ANK1: variants seen among roughly 807,000 people sequenced by gnomAD.
ANK1 encodes the protein ankyrin-1.
A neutral mutation model predicts 210.4 loss-of-function variants in ANK1; 51 were observed. That is an observed-to-expected ratio of 0.24 (90% confidence interval 0.19 to 0.31). The LOEUF (loss-of-function observed/expected upper bound fraction) is 0.31, where lower values mean the gene tolerates loss of function less well. ANK1 is among the 10% of genes least tolerant of loss of function. The pLI is 1.00. For missense variants in ANK1, 2,051 were observed against 2,504.4 expected, an observed-to-expected ratio of 0.82 and a Z score of 3.86; for synonymous variants, 967 against 1,025.9, an observed-to-expected ratio of 0.94 and a Z score of 1.10.
intron 24 of ANK1, among the ~76,000 whole-genome samples, chr8:41,697,433 C>T (rs1247632127): frequency 1.3e-5 from 2 of 152,128 alleles, no homozygotes; most frequent in Admixed American, 6.5e-5. Context: ...GTCCATCGCC[C>T]TTGTTGATCT....
chr8:41,682,014 G>A (rs941951594), intron 37 of ANK1, among the ~76,000 whole-genome samples: 16 of 152,256 alleles, frequency 1.1e-4, no homozygotes, highest in Admixed American at 1.0e-3. Context: ...TCAACTACTC[G>A]GGAGAGGGCT....
intron 1 of ANK1, among the ~76,000 whole-genome samples, chr8:41,778,247 C>T (rs1267204809): frequency 6.6e-6 from 1 of 152,106 alleles, no homozygotes; most frequent in African/African-American, 2.4e-5. Flanking sequence ...AAAAATAGGA[C>T]AATAAAAGGG....
intron 1 of ANK1, among the ~76,000 whole-genome samples, chr8:41,894,270 T>C (rs1820008933): frequency 6.6e-6 from 1 of 152,082 alleles, no homozygotes. Context: ...CATAAAATAA[T>C]GAAAATCTGA....
At chr8:41,832,020 G>A (rs946261228) in intron 1 of ANK1, among the ~76,000 whole-genome samples, 1 of 152,162 alleles carries the variant, frequency 6.6e-6, no homozygotes, top group African/African-American at 2.4e-5. Flanking sequence ...GGAAAAGCGG[G>A]GAGGATTTGC....
Position 41,821,378 on chromosome 8 carries a change from A to G in ANK1, c.127-63241T>C, listed in dbSNP as rs568845439. On this transcript the variant is annotated intron_variant, in intron 1 of 42. Coordinates refer to the ANK1 transcript ENST00000265709. Reference sequence around the variant, plus strand: ...CACTTAGGGAGTACTTTGTTGTACTATAGTTATCTGTGTACGTGGTCATCT... The same window carrying G: ...CACTTAGGGAGTACTTTGTTGTACTGTAGTTATCTGTGTACGTGGTCATCT... 1.4e-4 allele frequency among the ~76,000 whole-genome samples: 22 copies of G among 152,270 alleles called. No individual in the cohort carries two copies. The East Asian group carries it at 4.2e-3, about 29-fold the overall frequency.
intron 1 of ANK1, among the ~76,000 whole-genome samples, chr8:41,758,934 T>C (rs1353180950): frequency 1.3e-5 from 2 of 151,992 alleles, no homozygotes; most frequent in African/African-American, 4.8e-5. Flanking sequence ...TCTCACTATG[T>C]TCCCCAGGAT....
Position 41,881,676 on chromosome 8 carries a change from CA to C in ANK1, c.126+14678del, listed in dbSNP as rs748979040. Among the ~76,000 whole-genome samples, 175 of 152,200 alleles carry C rather than the reference CA, an allele frequency of 1.1e-3. 1 individual carries two copies. Among genetic ancestry groups the C allele is most frequent in the Non-Finnish European group, 2.0e-3 (136 of 68,044 alleles). On this transcript the variant is annotated intron_variant, in intron 1 of 42. Coordinates refer to the ANK1 transcript ENST00000265709. ...TTTCATTTTATTTAATCCTCACAAT[CA>C]CCCTGGAAGCAGTAAGCCAAGGATG...
intron 22 of ANK1, among the ~76,000 whole-genome samples, chr8:41,699,769 T>A (rs1822173075): frequency 2.0e-5 from 3 of 152,188 alleles, no homozygotes; most frequent in Non-Finnish European, 4.4e-5. Flanking sequence ...CTTAGATGCC[T>A]GAGGCTTTGC....
At chr8:41,730,280 C>T (rs1831807955) in intron 3 of ANK1, among the ~76,000 whole-genome samples, 1 of 152,142 alleles carries the variant, frequency 6.6e-6, no homozygotes. Context: ...CAGCTCAGTT[C>T]TGTTTCTTGT....
Position 41,653,767 on chromosome 8 carries a change from T to A in ANK1, c.*2023A>T, listed in dbSNP as rs2150524393. On this transcript the variant is annotated 3_prime_UTR_variant, in exon 43 of 43. Transcript: ENST00000289734. ...CCCTGGAGGCCGGGCCGGGGTGGCC[T>A]CTGGCGGAGACGGCAGCCGTCCGGG... 6.6e-6 allele frequency: 1 copy of A among 152,292 alleles called. No individual in the cohort carries two copies. The highest frequency in any genetic ancestry group is 1.9e-4 in the East Asian group (1 of 5,158). 9.4% of individuals were successfully genotyped at this position (152,292 alleles called of 1,614,324 possible).
chr8:41,791,098 AATC>A (rs1366569326), intron 1 of ANK1, among the ~76,000 whole-genome samples: 1 of 152,028 alleles, frequency 6.6e-6, no homozygotes, highest in Non-Finnish European at 1.5e-5. Context: ...ACTGTTTGCA[AATC>A]ATCATCACCC....
At chr8:41,696,241 C>T (rs532660174) in intron 26 of ANK1, 122 bp downstream of exon 26, 2 of 1,124,224 alleles carry the variant, frequency 1.8e-6, no homozygotes, top group Admixed American at 3.7e-5. Context: ...CTTCGTGTGT[C>T]AGGAAAAGTC....
Position 41,718,162 on chromosome 8 carries a change from C to T in ANK1, c.1150G>A (p.Val384Ile), listed in dbSNP as rs200898069. The part of the protein sequence containing the change: ...PLHIACKKNH[V>I]RVMELLLKTG... ...TTCAGCAGCAGCTCCATGACACGGA[C>T]GTGGTTCTTTTTGCAGGCGATGTGT... Residue 384 changes from valine (V) to isoleucine (I), a missense_variant, in exon 11 of 43, where the codon GTC becomes ATC. By Grantham distance (29) the Val-to-Ile change is conservative. Transcript: ENST00000289734. 4.4e-5 allele frequency: 71 copies of T among 1,613,940 alleles called. No individual in the cohort carries two copies. The highest frequency in any genetic ancestry group is 5.8e-5 in the Non-Finnish European group (68 of 1,180,014).
At chr8:41,858,575 C>T (rs531377729) in intron 1 of ANK1, among the ~76,000 whole-genome samples, 4 of 152,252 alleles carry the variant, frequency 2.6e-5, no homozygotes, top group African/African-American at 9.6e-5. Context: ...ACTGCTCGGA[C>T]GTGAGCACAG....
At chr8:41,851,030 C>T (rs1811139685) in intron 1 of ANK1, among the ~76,000 whole-genome samples, 1 of 152,200 alleles carries the variant, frequency 6.6e-6, no homozygotes, top group Non-Finnish European at 1.5e-5. Flanking sequence ...AAGAAGGCAC[C>T]TCCCCAGAAA....
intron 3 of ANK1, among the ~76,000 whole-genome samples, chr8:41,729,779 G>C (rs1036986109): frequency 1.3e-5 from 2 of 152,160 alleles, no homozygotes; most frequent in African/African-American, 4.8e-5. Flanking sequence ...TTCCAGCCAG[G>C]CTCCTGCCAG....
chr8:41,773,990 AC>A (rs879668688), intron 1 of ANK1, among the ~76,000 whole-genome samples: 4 of 152,248 alleles, frequency 2.6e-5, no homozygotes, highest in Non-Finnish European at 4.4e-5. Flanking sequence ...ATGTACAATA[AC>A]AAATTTCAGC....
intron 3 of ANK1, among the ~76,000 whole-genome samples, chr8:41,732,901 C>A (rs1472193345): frequency 6.6e-6 from 1 of 151,880 alleles, no homozygotes; most frequent in Non-Finnish European, 1.5e-5. Flanking sequence ...CCACGCCCGG[C>A]TAATTTTTGT....
chr8:41,892,434 TTTTC>T (rs1187950336), intron 1 of ANK1, among the ~76,000 whole-genome samples: 1 of 152,196 alleles, frequency 6.6e-6, no homozygotes, highest in Non-Finnish European at 1.5e-5. Context: ...CTGGGCTTTC[TTTTC>T]TTTCTTCCTG....
Sources: gnomAD v4.1 joint callset for allele counts (sites outside exome capture counted in the v4.1 genomes callset) on GRCh38, gnomAD v4.1.1 for gene constraint, MANE v1.5 for transcripts, NCBI Gene and HGNC (gene_info 2026-07-23, HGNC 2026-07-21) for gene names.